MPHOSPH8: variants seen among roughly 807,000 people sequenced by gnomAD.
The protein encoded by MPHOSPH8 is M-phase phosphoprotein 8.
A neutral mutation model predicts 87.3 loss-of-function variants in MPHOSPH8; 45 were observed. The ratio of observed to expected loss-of-function variants is 0.52; its 90% confidence interval spans 0.41 to 0.66. The LOEUF (loss-of-function observed/expected upper bound fraction) is 0.66. Among genes scored for constraint, MPHOSPH8 ranks in the 30% least tolerant of loss-of-function variants. MPHOSPH8 has a pLI of 0.00. For synonymous variants in MPHOSPH8, 366 were observed against 376.9 expected (o/e 0.97, Z 0.33); for missense variants, 883 against 1,020.2 (o/e 0.87, Z 1.83).
intron 9 of MPHOSPH8, among the ~76,000 whole-genome samples, chr13:19,665,432 C>T (rs1875759554): frequency 6.6e-6 from 1 of 152,202 alleles, no homozygotes; most frequent in South Asian, 2.1e-4. Flanking sequence ...ACTGCAGGCT[C>T]TGTTGGTCCC....
intron 9 of MPHOSPH8, among the ~76,000 whole-genome samples, chr13:19,665,836 A>G (rs1409506775): frequency 6.6e-6 from 1 of 152,240 alleles, no homozygotes; most frequent in Non-Finnish European, 1.5e-5. Flanking sequence ...TGACAGAGAC[A>G]AGGAGACAGT....
intron 5 of MPHOSPH8, among the ~76,000 whole-genome samples, chr13:19,650,595 AT>A (rs1393820684): frequency 2.0e-5 from 3 of 152,176 alleles, no homozygotes; most frequent in African/African-American, 7.2e-5. Context: ...ATATAAACTT[AT>A]TTGTATTTTA....
intron 8 of MPHOSPH8, 48 bp downstream of exon 8, chr13:19,661,886 G>C: frequency 6.4e-7 from 1 of 1,551,784 alleles, no homozygotes; most frequent in Non-Finnish European, 8.7e-7. Context: ...TGGTATTCCT[G>C]CCGATGGACT....
At chr13:19,646,155 G>A (rs1247743381) in intron 2 of MPHOSPH8, among the ~76,000 whole-genome samples, 1 of 152,066 alleles carries the variant, frequency 6.6e-6, no homozygotes, top group Non-Finnish European at 1.5e-5. Flanking sequence ...ATCATTTATA[G>A]CCCACCATAC....
chr13:19,636,728 G>C (rs1345459251), intron 1 of MPHOSPH8, among the ~76,000 whole-genome samples: 1 of 152,012 alleles, frequency 6.6e-6, no homozygotes, highest in Non-Finnish European at 1.5e-5. Context: ...CTCCACCCTT[G>C]GCCTCCCAAA....
chr13:19,640,075 C>T (rs1874208324), intron 1 of MPHOSPH8, among the ~76,000 whole-genome samples: 1 of 151,578 alleles, frequency 6.6e-6, no homozygotes, highest in Admixed American at 6.6e-5. Flanking sequence ...CACTACTCTG[C>T]AGCCTGGGCG....
intron 5 of MPHOSPH8, among the ~76,000 whole-genome samples, chr13:19,652,160 C>T (rs948813466): frequency 2.0e-5 from 3 of 152,202 alleles, no homozygotes; most frequent in African/African-American, 7.2e-5. Flanking sequence ...ATAGGAACAG[C>T]TCCGTTCCGC....
At chr13:19,666,676 G>GA (rs1875836859) in intron 10 of MPHOSPH8, 97 bp downstream of exon 10, 2 of 1,099,350 alleles carry the variant, frequency 1.8e-6, no homozygotes, top group Non-Finnish European at 2.5e-6. Flanking sequence ...TAACTGCTCA[G>GA]AAAAACATCC....
At chr13:19,653,998 A>G (rs1283386345) in intron 5 of MPHOSPH8, among the ~76,000 whole-genome samples, 2 of 152,250 alleles carry the variant, frequency 1.3e-5, no homozygotes, top group African/African-American at 4.8e-5. Context: ...AGTATTATCC[A>G]GGAGAACCTC....
In MPHOSPH8 at chr13:19,646,979, G is replaced by T. The variant is rs376037584; in HGVS notation, c.906G>T (p.Gln302His). The change falls in exon 3 of 14, where the codon CAG (glutamine) becomes CAT (histidine). Residue 302 changes from glutamine (Q) to histidine (H), a missense_variant. Coordinates refer to ENST00000361479, the MANE Select transcript of MPHOSPH8 (RefSeq NM_017520.4). ...NTKSARERAG[Q>H]DMGLEHGFEK... is the part of the protein sequence containing the mutation. ...AAAGTGCAAGAGAGAGAGCAGGGCA[G>T]GACATGGGGCTGGAGCATGGCTTTG... 1.3e-6 allele frequency: 2 copies of T among 1,594,314 alleles called. No homozygotes were observed. Among genetic ancestry groups the T allele is most frequent in the African/African-American group, 2.7e-5 (2 of 73,262 alleles).
chr13:19,645,993 A>G (rs1405099718), intron 2 of MPHOSPH8, among the ~76,000 whole-genome samples: 1 of 152,210 alleles, frequency 6.6e-6, no homozygotes, highest in Admixed American at 6.5e-5. Context: ...TGTTCTGTAC[A>G]TAACTGTCAA....
At chr13:19,636,713 T>C (rs1017360315) in intron 1 of MPHOSPH8, among the ~76,000 whole-genome samples, 1 of 152,160 alleles carries the variant, frequency 6.6e-6, no homozygotes, top group African/African-American at 2.4e-5. Flanking sequence ...TGGGCTCAAG[T>C]GATTCTCCAC....
chr13:19,671,978 G>T lies in MPHOSPH8; in HGVS notation c.*103G>T, dbSNP rs1416201435. ...AGCACATCTATGTAAAGTTTTGTCT[G>T]TAAACCTCTTGCAGTTAAGCCTGTT... On this transcript the variant is annotated 3_prime_UTR_variant, in exon 14 of 14. Coordinates refer to ENST00000361479, the MANE Select transcript of MPHOSPH8 (RefSeq NM_017520.4). 1.6e-6 allele frequency: 2 copies of T among 1,217,258 alleles called. No homozygotes were observed. The highest frequency in any genetic ancestry group is 2.4e-6 in the Non-Finnish European group (2 of 833,972). The allele number at this position is 1,217,258 out of a possible 1,614,324, so 75.4% of individuals were successfully genotyped here.
intron 1 of MPHOSPH8, among the ~76,000 whole-genome samples, chr13:19,638,928 C>CA (rs1874138608): frequency 1.3e-5 from 2 of 150,312 alleles, no homozygotes; most frequent in East Asian, 2.0e-4. Flanking sequence ...ACTAAAAATA[C>CA]AAAAATTAGC....
chr13:19,668,862 A>G (rs986425426), intron 11 of MPHOSPH8, among the ~76,000 whole-genome samples: 1 of 152,170 alleles, frequency 6.6e-6, no homozygotes, highest in Non-Finnish European at 1.5e-5. Flanking sequence ...TTGCCCTTTG[A>G]AAAAGAAAAA....
Position 19,668,434 on chromosome 13 carries a change from G to C in MPHOSPH8, c.2232G>C (p.Leu744=). The change falls in exon 11 of 14, where the codon CTG becomes CTC. Residue 744 remains leucine (L), a synonymous_variant. Transcript: ENST00000361479. ...ATTACTTTGAAGCTCGCCTTGCTCT[G>C]CTAGAACCAGTTTTTCCAATCGCAT... The part of the protein sequence containing the change: ...IKDYFEARLA[L]LEPVFPIACH... 1.2e-6 allele frequency: 2 copies of C among 1,614,102 alleles called. No homozygotes were observed. Among genetic ancestry groups the C allele is most frequent in the South Asian group, 1.1e-5 (1 of 91,068 alleles).
Position 19,673,088 on chromosome 13 carries a change from G to A in MPHOSPH8, c.*1213G>A, listed in dbSNP as rs3210772. On this transcript the variant is annotated 3_prime_UTR_variant, in exon 14 of 14. Transcript: ENST00000361479. The stretch of plus-strand genomic sequence containing the variant: ...AAAAAAGTTTCTTGGAACCTATACG[G>A]TTTTTTTTTGTTTTTTTTTTTTGAA... The A allele has an allele frequency of 1.7e-5, 5 of 292,928 alleles. No individual in the cohort carries two copies. The highest frequency in any genetic ancestry group is 5.7e-5 in the South Asian group (3 of 52,596). 18.1% of individuals were successfully genotyped at this position (292,928 alleles called of 1,614,324 possible). A position where few individuals can be genotyped will look rare whatever the true frequency, so the allele number is the denominator to read the frequency against.
chr13:19,669,513 CTTTT>C (rs56315114), intron 11 of MPHOSPH8, among the ~76,000 whole-genome samples: 2 of 133,492 alleles, frequency 1.5e-5, no homozygotes, highest in East Asian at 2.2e-4. Context: ...CATCCACCAA[CTTTT>C]TTTTTTTTTT....
At chr13:19,645,027 A>T (rs1393735733) in intron 2 of MPHOSPH8, among the ~76,000 whole-genome samples, 1 of 152,100 alleles carries the variant, frequency 6.6e-6, no homozygotes, top group Non-Finnish European at 1.5e-5. Context: ...TTGGTTTGGA[A>T]TCTAATCCTA....
Sources: allele counts gnomAD v4.1 joint callset (sites outside exome capture counted in the v4.1 genomes callset), GRCh38; gene constraint gnomAD v4.1.1; transcripts MANE v1.5; gene names NCBI Gene and HGNC (gene_info 2026-07-23, HGNC 2026-07-21).